The following GPRC5B variants were observed in gnomAD, a reference collection of about 807,000 sequenced individuals.
GPRC5B encodes the protein G protein-coupled receptor family C group 5 member B.
Under a neutral mutation model 30.1 loss-of-function variants are expected in GPRC5B, and 16 were observed. The ratio of observed to expected loss-of-function variants is 0.53; its 90% CI spans 0.36 to 0.81. The LOEUF (loss-of-function observed/expected upper bound fraction) is 0.81. Ranked by LOEUF, GPRC5B falls within the 30% of genes least tolerant of loss-of-function variation. The pLI, the probability that GPRC5B is intolerant of heterozygous loss-of-function variation, is 0.01. For synonymous variants in GPRC5B, 241 were observed against 239.5 expected (o/e 1.01, Z -0.06); for missense variants, 428 against 544.7 (o/e 0.79, Z 2.13).
chr16:19,867,867 T>C (rs989520099), intron 2 of GPRC5B, among the ~76,000 whole-genome samples: 3 of 151,814 alleles, frequency 2.0e-5, no homozygotes, highest in African/African-American at 7.3e-5. Context: ...CTGGCCAACA[T>C]AGTGAAAGCC....
chr16:19,873,038 G>A (rs1426950632), intron 1 of GPRC5B, among the ~76,000 whole-genome samples, 192 bp from the exon 2 acceptor site: 1 of 152,154 alleles, frequency 6.6e-6, no homozygotes, highest in Non-Finnish European at 1.5e-5. Context: ...TGTACCCTTG[G>A]CTGGGTGCAG....
rs1241865405 is a variant in GPRC5B at position 19,860,561 on chromosome 16, G to T, written c.1168-17C>A. The T allele has an allele frequency of 8.3e-6, 13 of 1,561,000 alleles. No homozygotes were observed. Among genetic ancestry groups the T allele is most frequent in the African/African-American group, 1.4e-5 (1 of 73,834 alleles). ...AGTTGGGATCTGGAATAACACATAAGGATAACACACTGAGAACTCTGTGCT... is the reference window on the plus strand; with the variant it reads ...AGTTGGGATCTGGAATAACACATAATGATAACACACTGAGAACTCTGTGCT... On this transcript the variant is annotated splice_polypyrimidine_tract_variant and intron_variant, in intron 3 of 3. Coordinates refer to ENST00000300571, the MANE Select transcript of GPRC5B (RefSeq NM_016235.3).
chr16:19,879,509 G>A (rs74766298), intron 1 of GPRC5B, among the ~76,000 whole-genome samples: 1 of 151,956 alleles, frequency 6.6e-6, no homozygotes. Flanking sequence ...TGGAGGAACA[G>A]CACACTCTAT....
intron 2 of GPRC5B, among the ~76,000 whole-genome samples, chr16:19,864,505 TCTCA>T (rs2056651454): frequency 6.6e-6 from 1 of 152,238 alleles, no homozygotes. Flanking sequence ...CTATCTGAGG[TCTCA>T]CTCAGTGGAA....
intron 1 of GPRC5B, among the ~76,000 whole-genome samples, chr16:19,875,821 G>A (rs900127797): frequency 1.3e-5 from 2 of 152,102 alleles, no homozygotes; most frequent in South Asian, 4.1e-4. Flanking sequence ...GCTCGTTGAT[G>A]TAACCCATGT....
chr16:19,881,656 C>A (rs1481373033), intron 1 of GPRC5B, among the ~76,000 whole-genome samples: 1 of 152,144 alleles, frequency 6.6e-6, no homozygotes, highest in African/African-American at 2.4e-5. Context: ...GTGGTGCACA[C>A]CTGTAATCCC....
chr16:19,870,320 G>A (rs1255689932), intron 2 of GPRC5B, among the ~76,000 whole-genome samples: 2 of 152,102 alleles, frequency 1.3e-5, no homozygotes, highest in Non-Finnish European at 2.9e-5. Flanking sequence ...ACTTCCCCAC[G>A]AAACCACCTG....
At chr16:19,880,137 T>TATA (rs1237170279) in intron 1 of GPRC5B, among the ~76,000 whole-genome samples, 2 of 151,046 alleles carry the variant, frequency 1.3e-5, no homozygotes, top group Non-Finnish European at 2.9e-5. Context: ...CTGCTCAAAA[T>TATA]ATAATAATAA....
intron 1 of GPRC5B, among the ~76,000 whole-genome samples, chr16:19,876,976 C>T (rs554310979): frequency 4.6e-5 from 7 of 152,314 alleles, no homozygotes; most frequent in South Asian, 4.1e-4. Context: ...TGGAAAGGCA[C>T]GTGGCCTGAG....
At chr16:19,884,917 C>T, upstream of GPRC5B, 1 of 928,300 alleles carries the variant, frequency 1.1e-6, no homozygotes, top group Non-Finnish European at 1.3e-6. Flanking sequence ...GGCCGCGGCC[C>T]CGCCCCCGCC....
rs976411988 is a variant in GPRC5B at position 19,872,910 on chromosome 16, C to A, written c.-1-64G>T. ...AGATGAATTCATTGGAAGACTCCCC[C>A]TCTCCTGACTTCTTGAAGAAGACTC... On this transcript the variant is annotated intron_variant, in intron 1 of 3. Transcript: ENST00000300571. This position sits in a 1 kb window ranked among gnomAD's most constrained non-coding sequence, Gnocchi z 5.0. 6.8e-6 allele frequency: 8 copies of A among 1,180,700 alleles called. No homozygotes were observed. The East Asian group carries it at 7.0e-5, about 10-fold the overall frequency. The allele number at this position is 1,180,700 out of a possible 1,614,324, so 73.1% of individuals were successfully genotyped here.
In GPRC5B at chr16:19,858,862, G is replaced by C; in HGVS notation, c.*1638C>G. ...GGTAACACAAGGAAATGTACTAACT[G>C]TTAAGGAAAACTCGAAGGCGGGTCA... On this transcript the variant is annotated 3_prime_UTR_variant, in exon 4 of 4. Coordinates refer to ENST00000300571, the MANE Select transcript of GPRC5B (RefSeq NM_016235.3). 1 of 271,618 alleles carries C rather than the reference G, an allele frequency of 3.7e-6. No homozygotes were observed. The highest frequency in any genetic ancestry group is 6.8e-6 in the Non-Finnish European group (1 of 146,380). 16.8% of individuals were successfully genotyped at this position (271,618 alleles called of 1,614,324 possible). A position where few individuals can be genotyped will look rare whatever the true frequency, so the allele number is the denominator to read the frequency against.
intron 2 of GPRC5B, among the ~76,000 whole-genome samples, chr16:19,866,178 C>T (rs1384690076): frequency 2.0e-5 from 3 of 152,078 alleles, no homozygotes; most frequent in African/African-American, 4.8e-5. Context: ...CCGCCTGCCT[C>T]GGCCTCCCAA....
rs1393063012 is a variant in GPRC5B, at chr16:19,858,588, G to A, written c.*1912C>T. On this transcript the variant is annotated 3_prime_UTR_variant, in exon 4 of 4. Transcript: ENST00000300571. ...AATGCTGTCGTTTTTTCACCGGACAGGACCGAGGTGTTTGAAGATTTCTTT... is the reference window on the plus strand; with the variant it reads ...AATGCTGTCGTTTTTTCACCGGACAAGACCGAGGTGTTTGAAGATTTCTTT... The A allele has an allele frequency of 3.3e-6, 2 of 612,326 alleles. No homozygotes were observed. Among genetic ancestry groups the A allele is most frequent in the South Asian group, 1.9e-5 (1 of 53,032 alleles). The allele number at this position is 612,326 out of a possible 1,614,324, so 37.9% of individuals were successfully genotyped here.
chr16:19,872,015 C>G lies in GPRC5B; in HGVS notation c.831G>C (p.Ala277=), dbSNP rs773501710. The G allele has an allele frequency of 6.2e-7, 1 of 1,614,038 alleles. No homozygotes were observed. Among genetic ancestry groups the G allele is most frequent in the Non-Finnish European group, 8.5e-7 (1 of 1,179,988 alleles). The change falls in exon 2 of 4, where the codon GCG becomes GCC. Residue 277 remains alanine, a synonymous_variant. Coordinates refer to ENST00000300571, the MANE Select transcript of GPRC5B (RefSeq NM_016235.3). This position sits in a 1 kb window ranked among gnomAD's most constrained non-coding sequence, Gnocchi z 5.0. The stretch of plus-strand genomic sequence containing the variant: ...AGATGACGAAGACCCAGCCGCTGGC[C>G]GCCAGCGTGATGGCCAAGGTGGGGT... The part of the protein sequence containing the change: ...WNDPTLAITL[A]ASGWVFVIFH...
chr16:19,862,119 CA>C, intron 2 of GPRC5B, 146 bp from the exon 3 acceptor site: 1 of 663,344 alleles, frequency 1.5e-6, no homozygotes, highest in South Asian at 1.9e-5. Context: ...TGATTCAAAA[CA>C]AAAGTCACAA....
At chr16:19,861,769 G>T in intron 3 of GPRC5B, 68 bp downstream of exon 3, 3 of 1,397,388 alleles carry the variant, frequency 2.1e-6, no homozygotes, top group Non-Finnish European at 3.0e-6. Context: ...GTATGTCCCT[G>T]TTGAAGCTGC....
chr16:19,868,079 A>G lies in GPRC5B; in HGVS notation c.1030+3737T>C, dbSNP rs189904866. The stretch of plus-strand genomic sequence containing the variant: ...GAGACTCCATCTAGAAAAACAAAAC[A>G]AAACGAAAAAGGGGGCTGGGTGCGG... On this transcript the variant is annotated intron_variant, in intron 2 of 3. Coordinates refer to ENST00000300571, the MANE Select transcript of GPRC5B (RefSeq NM_016235.3). Among the ~76,000 whole-genome samples the G allele has an allele frequency of 9.2e-4, 139 of 151,664 alleles. 2 individuals are homozygous for G. The highest frequency in any genetic ancestry group is 3.3e-3 in the African/African-American group (137 of 41,324).
At chr16:19,861,212 C>T (rs1476688216) in intron 3 of GPRC5B, among the ~76,000 whole-genome samples, 1 of 151,794 alleles carries the variant, frequency 6.6e-6, no homozygotes, top group Non-Finnish European at 1.5e-5. Context: ...AAGCATGTAG[C>T]TATGTTTGGA....
Sources: allele counts gnomAD v4.1 joint callset (sites outside exome capture counted in the v4.1 genomes callset), GRCh38; gene constraint gnomAD v4.1.1; non-coding constraint Gnocchi (gnomAD v3.1); transcripts MANE v1.5; gene names NCBI Gene and HGNC (gene_info 2026-07-23, HGNC 2026-07-21).